The following ABRAXAS1 variants were observed in gnomAD, a reference collection of about 807,000 sequenced individuals.
The protein encoded by ABRAXAS1 is abraxas 1, BRCA1 A complex subunit.
Under a neutral mutation model 38.4 loss-of-function variants are expected in ABRAXAS1, and 26 were observed. That is an observed-to-expected ratio of 0.68 (90% confidence interval 0.50 to 0.94). The LOEUF (loss-of-function observed/expected upper bound fraction) is 0.94. Among genes scored for constraint, ABRAXAS1 ranks in the 40% least tolerant of loss-of-function variants. The pLI, the probability that ABRAXAS1 is intolerant of heterozygous loss-of-function variation, is 0.00. For synonymous variants in ABRAXAS1, 144 were observed against 165.5 expected (o/e 0.87, Z 1.00); for missense variants, 438 against 481.9 (o/e 0.91, Z 0.85).
rs1578120130 is a variant in ABRAXAS1, at chr4:83,460,652, C to A, written c.*1817G>T. On this transcript the variant is annotated 3_prime_UTR_variant, in exon 9 of 9. Transcript: ENST00000321945. ...GGCATGTTGGCTCACACCTGTAATC[C>A]CAGCACTTTGGGAGGCTGAGGTGGG... The A allele has an allele frequency of 2.2e-5, 6 of 277,806 alleles. No homozygotes were observed. The East Asian group carries it at 5.9e-4, about 28-fold the overall frequency. 17.2% of individuals were successfully genotyped at this position (277,806 alleles called of 1,614,324 possible). A position where few individuals can be genotyped will look rare whatever the true frequency, so the allele number is the denominator to read the frequency against.
chr4:83,484,783 G>A (rs985305531), intron 1 of ABRAXAS1: 3 of 448,660 alleles, frequency 6.7e-6, no homozygotes, highest in Non-Finnish European at 1.2e-5. Context: ...GATAGCAGAG[G>A]GAGGGCTAAT....
chr4:83,471,144 A>G (rs1398596161), intron 4 of ABRAXAS1, among the ~76,000 whole-genome samples: 1 of 150,988 alleles, frequency 6.6e-6, no homozygotes, highest in Admixed American at 6.6e-5. Flanking sequence ...AATTGGGGGG[A>G]AAAAACACAA....
chr4:83,480,312 C>T, intron 2 of ABRAXAS1: 3 of 382,138 alleles, frequency 7.9e-6, no homozygotes, highest in Admixed American at 3.3e-5. Context: ...GCAGAGGTTG[C>T]AGTGAGCCGA....
At chr4:83,482,554 C>T (rs1578136965) in intron 1 of ABRAXAS1, among the ~76,000 whole-genome samples, 4 of 152,076 alleles carry the variant, frequency 2.6e-5, no homozygotes, top group Non-Finnish European at 1.5e-5. Flanking sequence ...ACAAAAAATA[C>T]GAGAAACATT....
At chr4:83,472,957 G>A (rs1022689096) in intron 3 of ABRAXAS1, among the ~76,000 whole-genome samples, 7 of 152,060 alleles carry the variant, frequency 4.6e-5, no homozygotes, top group South Asian at 2.1e-4. Flanking sequence ...TTTCTATGAT[G>A]GTTAAATATG....
intron 7 of ABRAXAS1, among the ~76,000 whole-genome samples, chr4:83,466,396 C>T (rs1228301564): frequency 1.3e-5 from 2 of 152,162 alleles, no homozygotes; most frequent in African/African-American, 4.8e-5. Flanking sequence ...TATACTGTTC[C>T]CAAATATACT....
At chr4:83,469,713 A>G (rs1215777058) in intron 5 of ABRAXAS1, 1 of 156,326 alleles carries the variant, frequency 6.4e-6, no homozygotes, top group Non-Finnish European at 1.4e-5. Flanking sequence ...TCTTCCATGA[A>G]CAATAAAATT....
At chr4:83,465,602 C>T (rs1488448087) in intron 7 of ABRAXAS1, among the ~76,000 whole-genome samples, 1 of 152,094 alleles carries the variant, frequency 6.6e-6, no homozygotes, top group Admixed American at 6.6e-5. Context: ...AGCCTGGCAA[C>T]ATGGTGAAAT....
intron 4 of ABRAXAS1, among the ~76,000 whole-genome samples, chr4:83,471,374 T>A (rs1341724477): frequency 6.6e-6 from 1 of 151,740 alleles, no homozygotes; most frequent in East Asian, 1.9e-4. Context: ...CGGCTTTTTT[T>A]TTTTCTTCTG....
intron 5 of ABRAXAS1, chr4:83,469,839 C>G (rs1336728691): frequency 6.2e-6 from 1 of 162,014 alleles, no homozygotes; most frequent in East Asian, 1.8e-4. Context: ...CCATCAAGAG[C>G]TACTTTGTTT....
chr4:83,469,112 G>A lies in ABRAXAS1; in HGVS notation c.516C>T (p.Gly172=). 6.2e-7 allele frequency: 1 copy of A among 1,613,776 alleles called. No homozygotes were observed. The highest frequency in any genetic ancestry group is 8.5e-7 in the Non-Finnish European group (1 of 1,179,784). Residue 172 remains glycine (G), a synonymous_variant, in exon 6 of 9, where the codon GGC becomes GGT. Transcript: ENST00000321945. The part of the protein sequence containing the change: ...HRVPLVVANL[G]MSEQLGYKTV... ...TTTTATAACCCAGTTGTTCAGACAT[G>A]CCCAGATTGGCAACCACTAAAGGTA...
chr4:83,465,287 G>A (rs1282678767), intron 7 of ABRAXAS1, among the ~76,000 whole-genome samples: 2 of 105,444 alleles, frequency 1.9e-5, no homozygotes, highest in Non-Finnish European at 3.5e-5. Flanking sequence ...GCGACACACT[G>A]AGACTCTGTC....
chr4:83,465,116 C>T (rs1255449387), intron 7 of ABRAXAS1, among the ~76,000 whole-genome samples: 5 of 151,578 alleles, frequency 3.3e-5, no homozygotes, highest in African/African-American at 7.3e-5. Flanking sequence ...GCCAACATGG[C>T]GAAACCCTGT....
chr4:83,474,384 A>G (rs964620885), intron 3 of ABRAXAS1, among the ~76,000 whole-genome samples: 5 of 152,092 alleles, frequency 3.3e-5, no homozygotes, highest in African/African-American at 7.2e-5. Context: ...TCTCTATTGC[A>G]TATTTTTCCT....
intron 3 of ABRAXAS1, among the ~76,000 whole-genome samples, chr4:83,474,528 A>T (rs894648963): frequency 1.3e-5 from 2 of 152,100 alleles, no homozygotes; most frequent in Admixed American, 6.6e-5. Context: ...CCTGGCCAAC[A>T]TGGTGAAACT....
chr4:83,462,707 T>A lies in ABRAXAS1; in HGVS notation c.992A>T (p.Asp331Val). 6.2e-7 allele frequency: 1 copy of A among 1,613,794 alleles called. No homozygotes were observed. ...DNLTLMVEHTDIPEASPASTP... is the reference protein window; with the variant it reads ...DNLTLMVEHTVIPEASPASTP... ...ACTAGCTGGACTAGCTTCAGGAATG[T>A]CAGTGTGTTCTACCATTAAGGTCAG... Residue 331 changes from aspartate to valine, a missense_variant, in exon 9 of 9, where the codon GAC (aspartate) becomes GTC (valine). By Grantham distance (152) the Asp-to-Val change is radical. Transcript: ENST00000321945.
intron 2 of ABRAXAS1, chr4:83,479,497 G>A (rs1011570549): frequency 1.3e-5 from 2 of 151,582 alleles, no homozygotes; most frequent in Non-Finnish European, 2.9e-5. Flanking sequence ...AAGGCAATCA[G>A]CTAGTCTACC....
At position 83,482,232 on chromosome 4, in the gene ABRAXAS1, G is replaced by T. The variant is rs1723022716; in HGVS notation, c.100C>A (p.Leu34Ile). The T allele has an allele frequency of 1.9e-6, 3 of 1,607,864 alleles. No homozygotes were observed. In the East Asian group the frequency reaches 6.7e-5, roughly 36 times the overall value. Residue 34 changes from leucine (L) to isoleucine (I), a missense_variant, in exon 2 of 9, where the codon CTT (leucine) becomes ATT (isoleucine). Transcript: ENST00000321945. ...TTGGCTTCACCTTTTACTTCCCCAAGAAGAAAACCTTCCTATGAAGATAAA... is the reference window on the plus strand; with the variant it reads ...TTGGCTTCACCTTTTACTTCCCCAATAAGAAAACCTTCCTATGAAGATAAA... Reference protein sequence around the residue: ...NTDSDTEGFLLGEVKGEAKNS... With the variant: ...NTDSDTEGFLIGEVKGEAKNS...
chr4:83,484,955 A>T (rs750934848), intron 1 of ABRAXAS1, 31 bp downstream of exon 1: 2 of 1,544,332 alleles, frequency 1.3e-6, no homozygotes, highest in South Asian at 2.4e-5. Flanking sequence ...TTCCCAGGCG[A>T]CGCCGGACCC....
Sources: allele counts gnomAD v4.1 joint callset (sites outside exome capture counted in the v4.1 genomes callset), GRCh38; gene constraint gnomAD v4.1.1; transcripts MANE v1.5; gene names NCBI Gene and HGNC (gene_info 2026-07-23, HGNC 2026-07-21).